Variants in SPECC1L observed in about 807,000 individuals in gnomAD.
SPECC1L encodes cytospin-A.
In SPECC1L, 40 loss-of-function variants were observed where a neutral mutation model predicts 116.8. The observed-to-expected ratio is 0.34, with a 90% CI of 0.27 to 0.45. The LOEUF is 0.45. Among genes scored for constraint, SPECC1L ranks in the 20% least tolerant of loss-of-function variants. SPECC1L has a pLI of 1.00. For synonymous variants in SPECC1L, 504 were observed against 500.6 expected (o/e 1.01, Z -0.09); for missense variants, 1,110 against 1,373.6 (o/e 0.81, Z 3.03).
intron 11 of SPECC1L, among the ~76,000 whole-genome samples, chr22:24,359,951 T>C (rs955870480): frequency 5.3e-5 from 8 of 152,222 alleles, no homozygotes; most frequent in African/African-American, 1.9e-4. Flanking sequence ...TAATGACTTT[T>C]TGAATGCTTG....
intron 2 of SPECC1L, among the ~76,000 whole-genome samples, chr22:24,285,587 C>T (rs9624447): frequency 0.23 from 35,515 of 151,904 alleles, 4,328 homozygotes; most frequent in Admixed American, 0.3. Context: ...CTGTGTATCA[C>T]GTGGTCTATG....
At chr22:24,327,277 C>CAAAAAAAAA (rs58725731) in intron 6 of SPECC1L, among the ~76,000 whole-genome samples, 6 of 41,974 alleles carry the variant, frequency 1.4e-4, no homozygotes, top group South Asian at 9.5e-4. Flanking sequence ...GACTCCGTCT[C>CAAAAAAAAA]AAAAAAAAAA....
intron 5 of SPECC1L, 131 bp from the exon 6 acceptor site, chr22:24,324,089 C>A: frequency 1.4e-6 from 1 of 739,784 alleles, no homozygotes; most frequent in African/African-American, 1.8e-5. Context: ...ACAGTTATTA[C>A]ACAGGTTGTT....
intron 8 of SPECC1L, among the ~76,000 whole-genome samples, chr22:24,333,268 ACCTTAAGAG>A (rs1403535122): frequency 2.0e-5 from 3 of 152,142 alleles, no homozygotes; most frequent in Admixed American, 2.0e-4. Context: ...CAGCTAAATG[ACCTTAAGAG>A]CCTGTGGTAC....
chr22:24,412,538 G>C (rs2042719322), intron 15 of SPECC1L, 110 bp from the exon 16 acceptor site: 1 of 971,272 alleles, frequency 1.0e-6, no homozygotes. Context: ...GTGGCACCAG[G>C]TAGAGGTGAG....
intron 14 of SPECC1L, among the ~76,000 whole-genome samples, chr22:24,396,549 C>T (rs58166129): frequency 0.016 from 2,433 of 152,152 alleles, 53 homozygotes; most frequent in African/African-American, 0.056. Flanking sequence ...TCACCCATCT[C>T]GGCCTCCCAA....
At chr22:24,282,460 A>G (rs1205838218) in intron 2 of SPECC1L, among the ~76,000 whole-genome samples, 1 of 152,226 alleles carries the variant, frequency 6.6e-6, no homozygotes, top group Non-Finnish European at 1.5e-5. Context: ...AGATGGAGTC[A>G]GTTAAGTTAG....
In SPECC1L at chr22:24,276,687, C is replaced by G. The variant is rs1450788726; in HGVS notation, c.-141-13C>G. The G allele has an allele frequency of 2.4e-6, 1 of 419,848 alleles. No individual in the cohort carries two copies. Among genetic ancestry groups the G allele is most frequent in the Non-Finnish European group, 4.7e-6 (1 of 214,578 alleles). The allele number at this position is 419,848 out of a possible 1,614,324, so 26.0% of individuals were successfully genotyped here. On this transcript the variant is annotated splice_polypyrimidine_tract_variant and intron_variant, in intron 1 of 16. Coordinates refer to ENST00000314328, the MANE Select transcript of SPECC1L (RefSeq NM_015330.6). ...AATTTAAAGCTATTCTATTCTTCCT[C>G]TCTCTCTTCTAGTGTTCTTGGGGAA...
At chr22:24,280,063 T>C (rs2048912655) in intron 2 of SPECC1L, among the ~76,000 whole-genome samples, 1 of 152,212 alleles carries the variant, frequency 6.6e-6, no homozygotes, top group African/African-American at 2.4e-5. Context: ...ACATGAACTC[T>C]CATGAGTTAC....
intron 3 of SPECC1L, among the ~76,000 whole-genome samples, chr22:24,306,675 T>G (rs1370021270): frequency 6.6e-6 from 1 of 152,202 alleles, no homozygotes; most frequent in South Asian, 2.1e-4. Context: ...CCAACCATCT[T>G]AACAATTTTT....
rs2040744067 is a variant in SPECC1L at position 24,322,642 on chromosome 22, A to G, written c.1662A>G (p.Gly554=). The part of the protein sequence containing the change: ...MERIIESEQK[G]KAALAATLEE... ...GAATTATTGAGTCTGAGCAGAAAGG[A>G]AAAGCAGCCTTGGCAGCCACGTTAG... Residue 554 remains glycine (G), a synonymous_variant, in exon 5 of 17, where the codon GGA becomes GGG. Transcript: ENST00000314328. 9 of 1,613,920 alleles carry G rather than the reference A, an allele frequency of 5.6e-6. No individual in the cohort carries two copies. The highest frequency in any genetic ancestry group is 7.6e-6 in the Non-Finnish European group (9 of 1,179,960).
intron 3 of SPECC1L, among the ~76,000 whole-genome samples, chr22:24,312,686 G>A (rs1207209739): frequency 1.3e-5 from 2 of 151,784 alleles, no homozygotes; most frequent in Admixed American, 6.6e-5. Flanking sequence ...TTTTTAAATT[G>A]CCTTTATAAA....
intron 3 of SPECC1L, among the ~76,000 whole-genome samples, chr22:24,303,959 AAG>A (rs758271371): frequency 2.6e-5 from 4 of 151,780 alleles, no homozygotes; most frequent in Non-Finnish European, 4.4e-5. Flanking sequence ...GCCTTCACTT[AAG>A]AGAGGGGAAG....
chr22:24,363,210 T>G lies in SPECC1L; in HGVS notation c.2744-51T>G, dbSNP rs1241822807. 3.6e-5 allele frequency: 54 copies of G among 1,488,722 alleles called. No individual in the cohort carries two copies. In the East Asian group the frequency reaches 1.2e-3, roughly 33 times the overall value. The allele number at this position is 1,488,722 out of a possible 1,614,324, so 92.2% of individuals were successfully genotyped here. ...TCACCTTCTTTGTACCTTTATTACT[T>G]TAAAGTTCAGCATCAGATTTCTTTA... On this transcript the variant is annotated intron_variant, in intron 11 of 16. Transcript: ENST00000314328.
chr22:24,396,391 G>A (rs761321820), intron 14 of SPECC1L, among the ~76,000 whole-genome samples: 85 of 151,754 alleles, frequency 5.6e-4, no homozygotes, highest in Non-Finnish European at 7.9e-4. Context: ...TCTGCTTCCC[G>A]GGTTCAAGCG....
intron 10 of SPECC1L, among the ~76,000 whole-genome samples, chr22:24,340,104 G>A (rs2146537263): frequency 7.0e-6 from 1 of 143,462 alleles, no homozygotes; most frequent in African/African-American, 2.6e-5. Flanking sequence ...AATTTAAAAA[G>A]AAGGGAAGGG....
At chr22:24,384,536 G>C (rs2042124104) in intron 14 of SPECC1L, among the ~76,000 whole-genome samples, 1 of 152,140 alleles carries the variant, frequency 6.6e-6, no homozygotes, top group Admixed American at 6.5e-5. Context: ...AAAGTTAGGA[G>C]GGGGACAGTA....
intron 11 of SPECC1L, among the ~76,000 whole-genome samples, chr22:24,359,923 C>G (rs1182514646): frequency 6.6e-6 from 1 of 152,172 alleles, no homozygotes; most frequent in Non-Finnish European, 1.5e-5. Context: ...CTTGTTTTTT[C>G]TTAGCATCCC....
At chr22:24,293,624 T>G (rs1323100756) in intron 2 of SPECC1L, among the ~76,000 whole-genome samples, 1 of 151,524 alleles carries the variant, frequency 6.6e-6, no homozygotes, top group Non-Finnish European at 1.5e-5. Context: ...AGTTTCTAGA[T>G]CGAGGGAAAT....
Sources: gnomAD v4.1 joint callset for allele counts (sites outside exome capture counted in the v4.1 genomes callset) on GRCh38, gnomAD v4.1.1 for gene constraint, MANE v1.5 for transcripts, NCBI Gene and HGNC (gene_info 2026-07-23, HGNC 2026-07-21) for gene names.